The following TAOK1 variants were observed in gnomAD, a reference collection of about 807,000 sequenced individuals.
The protein encoded by TAOK1 is serine/threonine-protein kinase TAO1.
A neutral mutation model predicts 138.3 loss-of-function variants in TAOK1; 21 were observed. The observed-to-expected ratio is 0.15, with a 90% CI of 0.11 to 0.22. TAOK1 has a LOEUF of 0.22. TAOK1 is among the 10% of genes least tolerant of loss of function. TAOK1 has a pLI of 1.00. For missense variants in TAOK1, 651 were observed against 1,227.7 expected (o/e 0.53, Z 7.02); for synonymous variants, 361 against 398.4 (o/e 0.91, Z 1.12).
At chr17:29,516,225 T>G (rs1413799586) in intron 15 of TAOK1, among the ~76,000 whole-genome samples, 1 of 152,116 alleles carries the variant, frequency 6.6e-6, no homozygotes, top group East Asian at 1.9e-4. Context: ...CCTCCCAAAG[T>G]GCTGGGATTA....
chr17:29,438,911 G>C (rs1306167688), intron 1 of TAOK1, among the ~76,000 whole-genome samples: 7 of 152,080 alleles, frequency 4.6e-5, no homozygotes, highest in Admixed American at 2.6e-4. Flanking sequence ...TTACTGAAAA[G>C]TTGCAAGTCT....
At chr17:29,394,004 C>T (rs1051506180) in intron 1 of TAOK1, among the ~76,000 whole-genome samples, 42 of 151,944 alleles carry the variant, frequency 2.8e-4, no homozygotes, top group African/African-American at 9.4e-4. Flanking sequence ...AATAAACTTT[C>T]TGTATAACAA....
At chr17:29,475,439 C>T (rs116577822) in intron 3 of TAOK1, among the ~76,000 whole-genome samples, 1,989 of 152,072 alleles carry the variant, frequency 0.013, 44 homozygotes, top group African/African-American at 0.045. Context: ...ACTTGGGAGG[C>T]TGAGGTGGGA....
intron 2 of TAOK1, among the ~76,000 whole-genome samples, chr17:29,462,345 A>C (rs2030550538): frequency 6.6e-6 from 1 of 152,188 alleles, no homozygotes; most frequent in Admixed American, 6.5e-5. Flanking sequence ...GATAAACATA[A>C]TCTTTTAGTT....
At chr17:29,502,470 G>A in intron 12 of TAOK1, 119 bp from the exon 13 acceptor site, 1 of 1,198,454 alleles carries the variant, frequency 8.3e-7, no homozygotes, top group Admixed American at 2.8e-5. Flanking sequence ...TTTTGGCTTT[G>A]CTTTTTAAAA....
intron 14 of TAOK1, among the ~76,000 whole-genome samples, chr17:29,509,165 T>C (rs1365080879): frequency 6.6e-6 from 1 of 152,114 alleles, no homozygotes; most frequent in Non-Finnish European, 1.5e-5. Context: ...TTTTTATTTT[T>C]TATTTTATTT....
At position 29,434,443 on chromosome 17, in the gene TAOK1, G is replaced by C. The variant is rs560102068; in HGVS notation, c.-94-17012G>C. Among the ~76,000 whole-genome samples, 3 of 152,192 alleles carry C rather than the reference G, an allele frequency of 2.0e-5. No homozygotes were observed. The South Asian group carries it at 6.2e-4, about 32-fold the overall frequency. ...AGAAAGAGGGAAGCAGGCCTCCCTGGTTCCCTTATTTTCCTAGCATATACT... is the reference window on the plus strand; with the variant it reads ...AGAAAGAGGGAAGCAGGCCTCCCTGCTTCCCTTATTTTCCTAGCATATACT... On this transcript the variant is annotated intron_variant, in intron 1 of 19. Transcript: ENST00000261716.
chr17:29,467,561 C>A (rs530806632), intron 3 of TAOK1, among the ~76,000 whole-genome samples: 1 of 151,982 alleles, frequency 6.6e-6, no homozygotes, highest in South Asian at 2.1e-4. Flanking sequence ...CGTGAGCCAC[C>A]GCGCCCGGCC....
Position 29,543,859 on chromosome 17 carries a change from A to G in TAOK1, c.*837A>G, listed in dbSNP as rs1173800178. ...TGCATTAACAAACCTATGAGCCTTCAATGGGGAAGACCAGAAGGGTGAGAG... is the reference window on the plus strand; with the variant it reads ...TGCATTAACAAACCTATGAGCCTTCGATGGGGAAGACCAGAAGGGTGAGAG... On this transcript the variant is annotated 3_prime_UTR_variant, in exon 20 of 20. Coordinates refer to ENST00000261716, the MANE Select transcript of TAOK1 (RefSeq NM_020791.4). The G allele has an allele frequency of 1.3e-5, 2 of 152,164 alleles. No homozygotes were observed. Among genetic ancestry groups the G allele is most frequent in the Non-Finnish European group, 2.9e-5 (2 of 68,010 alleles). The allele number at this position is 152,164 out of a possible 1,614,324, so 9.4% of individuals were successfully genotyped here.
intron 8 of TAOK1, among the ~76,000 whole-genome samples, chr17:29,486,131 C>CA (rs779790579): frequency 2.6e-5 from 4 of 151,440 alleles, no homozygotes; most frequent in African/African-American, 7.3e-5. Flanking sequence ...ACAAAAAATA[C>CA]AAAAAAAATT....
chr17:29,417,874 T>C (rs1341282022), intron 1 of TAOK1, among the ~76,000 whole-genome samples: 1 of 152,172 alleles, frequency 6.6e-6, no homozygotes, highest in Non-Finnish European at 1.5e-5. Flanking sequence ...TCTAGTTCTT[T>C]GATTCTCTCT....
rs2032336265 is a variant in TAOK1, at chr17:29,542,671, A to G, written c.2655A>G (p.Leu885=). 2 of 1,614,252 alleles carry G rather than the reference A, an allele frequency of 1.2e-6. No individual in the cohort carries two copies. Among genetic ancestry groups the G allele is most frequent in the Admixed American group, 1.7e-5 (1 of 60,026 alleles). ...IEAFDSESMR[L]GFSNMVLSNL... ...CTTTTGACTCTGAAAGCATGAGACT[A>G]GGTTTTAGTAATATGGTCCTTTCTA... Residue 885 remains leucine (L), a synonymous_variant, in exon 20 of 20, where the codon CTA becomes CTG. Transcript: ENST00000261716.
chr17:29,542,760 C>G lies in TAOK1; in HGVS notation c.2744C>G (p.Thr915Ser). ...GCTTCTGGTTGGTCACACAACCCTA[C>G]TGGGGGTCCAGGACCTCACTGGGGT... ...PGASGWSHNP[T>S]GGPGPHWGHP... The change falls in exon 20 of 20, where the codon ACT becomes AGT. Residue 915 changes from threonine (T) to serine (S), a missense_variant. By Grantham distance (58) the Thr-to-Ser change is moderately conservative (BLOSUM62 1). Coordinates refer to ENST00000261716, the MANE Select transcript of TAOK1 (RefSeq NM_020791.4). The G allele has an allele frequency of 1.2e-6, 2 of 1,614,226 alleles. No individual in the cohort carries two copies. Among genetic ancestry groups the G allele is most frequent in the Non-Finnish European group, 1.7e-6 (2 of 1,180,038 alleles).
At position 29,394,155 on chromosome 17, in the gene TAOK1, T is replaced by G. The variant is rs919464039; in HGVS notation, c.-95+3131T>G. Among the ~76,000 whole-genome samples, 15 of 97,404 alleles carry G rather than the reference T, an allele frequency of 1.5e-4. No individual in the cohort carries two copies. The South Asian group carries it at 1.6e-3, about 10-fold the overall frequency. 63.9% of individuals were successfully genotyped at this position (97,404 alleles called of 152,430 possible). ...TTTATTTTAATAATTTGCCAGTTTT[T>G]TTTTTTTTTTTTTTTTTTTTTTTTT... On this transcript the variant is annotated intron_variant, in intron 1 of 19. Coordinates refer to ENST00000261716, the MANE Select transcript of TAOK1 (RefSeq NM_020791.4).
intron 18 of TAOK1, among the ~76,000 whole-genome samples, chr17:29,532,654 G>T (rs1487694908): frequency 1.3e-5 from 2 of 152,086 alleles, no homozygotes; most frequent in African/African-American, 4.8e-5. Flanking sequence ...GAGAGTACCG[G>T]GTTGGGGGTA....
rs922600990 is a variant in TAOK1, at chr17:29,440,507, G to A, written c.-94-10948G>A. Reference sequence around the variant, plus strand: ...GAAACAGCTGGAAGGAGAGGCTCTTGTCTTATCAGTCAGTATTTAGATACT... The same window carrying A: ...GAAACAGCTGGAAGGAGAGGCTCTTATCTTATCAGTCAGTATTTAGATACT... On this transcript the variant is annotated intron_variant, in intron 1 of 19. Coordinates refer to ENST00000261716, the MANE Select transcript of TAOK1 (RefSeq NM_020791.4). 1.8e-4 allele frequency among the ~76,000 whole-genome samples: 19 copies of A among 107,124 alleles called. No individual in the cohort carries two copies. In the Admixed American group the frequency reaches 1.8e-3, roughly 10 times the overall value. The allele number at this position is 107,124 out of a possible 152,430, so 70.3% of individuals were successfully genotyped here.
At chr17:29,497,478 T>A (rs1372255762) in intron 11 of TAOK1, among the ~76,000 whole-genome samples, 2 of 152,130 alleles carry the variant, frequency 1.3e-5, no homozygotes, top group Non-Finnish European at 2.9e-5. Flanking sequence ...TCTATATATG[T>A]GTCTGTGTTT....
intron 18 of TAOK1, among the ~76,000 whole-genome samples, chr17:29,531,209 C>T (rs773131671): frequency 6.6e-6 from 1 of 151,230 alleles, no homozygotes; most frequent in Non-Finnish European, 1.5e-5. Context: ...CCTCGTGATC[C>T]GCCCGCCTCG....
chr17:29,448,641 C>A (rs1161713439), intron 1 of TAOK1, among the ~76,000 whole-genome samples: 1 of 152,134 alleles, frequency 6.6e-6, no homozygotes, highest in African/African-American at 2.4e-5. Context: ...CTGGAAGTTG[C>A]TATTCTGCAT....
Sources: allele counts gnomAD v4.1 joint callset (sites outside exome capture counted in the v4.1 genomes callset), GRCh38; gene constraint gnomAD v4.1.1; transcripts MANE v1.5; gene names NCBI Gene and HGNC (gene_info 2026-07-23, HGNC 2026-07-21).